ATXN7L1: variants seen among roughly 807,000 people sequenced by gnomAD.
ATXN7L1 encodes ataxin 7 like 1, also known as ataxin-7-like protein 1.
Under a neutral mutation model 70.8 loss-of-function variants are expected in ATXN7L1, and 15 were observed. The observed-to-expected ratio is 0.21, with a 90% confidence interval of 0.14 to 0.33. The LOEUF (loss-of-function observed/expected upper bound fraction) is 0.33. Among genes scored for constraint, ATXN7L1 ranks in the 10% least tolerant of loss-of-function variants. The pLI is 1.00. For synonymous variants in ATXN7L1, 440 were observed against 445.1 expected (o/e 0.99, Z 0.14); for missense variants, 975 against 1,097.1 (o/e 0.89, Z 1.57).
At chr7:105,707,269 G>A (rs1186022645) in intron 3 of ATXN7L1, among the ~76,000 whole-genome samples, 1 of 152,216 alleles carries the variant, frequency 6.6e-6, no homozygotes, top group African/African-American at 2.4e-5. Flanking sequence ...CAGCACACAT[G>A]AAGCAATGAG....
chr7:105,623,945 T>C (rs556823579), intron 8 of ATXN7L1, 130 bp downstream of exon 8: 4 of 806,770 alleles, frequency 5.0e-6, no homozygotes, highest in South Asian at 5.8e-5. Context: ...TTCAAACTCA[T>C]GGTAAGCCTT....
intron 2 of ATXN7L1, among the ~76,000 whole-genome samples, chr7:105,835,048 T>C (rs1007415931): frequency 6.6e-6 from 1 of 150,546 alleles, no homozygotes; most frequent in Non-Finnish European, 1.5e-5. Flanking sequence ...TCAAGCTGCA[T>C]GAATGCTGGG....
In ATXN7L1 at chr7:105,614,627, C is replaced by A. The variant is rs1562890578; in HGVS notation, c.1707G>T (p.Val569=). The A allele has an allele frequency of 6.4e-7, 1 of 1,551,762 alleles. No individual in the cohort carries two copies. The highest frequency in any genetic ancestry group is 8.7e-7 in the Non-Finnish European group (1 of 1,147,006). Residue 569 remains valine (V), a synonymous_variant, in exon 10 of 12, where the codon GTG becomes GTT. Coordinates refer to ENST00000419735, the MANE Select transcript of ATXN7L1 (RefSeq NM_020725.2). The surrounding 1 kb of genome is among the most constrained non-coding windows in gnomAD (Gnocchi z 4.3). ...TGAGGGCGCTCGGGTCCGGCGATGT[C>A]ACGAAAGCTGCGTTTGAGAGCATGG... The part of the protein sequence containing the change: ...TSAMLSNAAF[V]TSPDPSALMS...
chr7:105,818,659 CA>C (rs1488805168), intron 2 of ATXN7L1, among the ~76,000 whole-genome samples: 1 of 152,142 alleles, frequency 6.6e-6, no homozygotes, highest in African/African-American at 2.4e-5. Context: ...AGGAAGTCCC[CA>C]AAAGTTTGGG....
intron 4 of ATXN7L1, among the ~76,000 whole-genome samples, chr7:105,664,612 C>A (rs2116064712): frequency 7.3e-6 from 1 of 136,094 alleles, no homozygotes; most frequent in African/African-American, 2.7e-5. Context: ...TCACTGTCAC[C>A]CAGGCTGGAG....
At chr7:105,784,646 T>C (rs1804023974) in intron 3 of ATXN7L1, among the ~76,000 whole-genome samples, 1 of 151,932 alleles carries the variant, frequency 6.6e-6, no homozygotes, top group Non-Finnish European at 1.5e-5. Context: ...AAAGACGCCA[T>C]GGAGAGAAGG....
intron 3 of ATXN7L1, among the ~76,000 whole-genome samples, chr7:105,681,175 C>G (rs970568006): frequency 3.3e-5 from 5 of 152,176 alleles, no homozygotes; most frequent in African/African-American, 1.2e-4. Flanking sequence ...GCCTGTAATC[C>G]CAGCACTTTG....
chr7:105,763,946 C>T (rs901947728), intron 3 of ATXN7L1, among the ~76,000 whole-genome samples: 23 of 152,028 alleles, frequency 1.5e-4, no homozygotes, highest in African/African-American at 4.3e-4. Flanking sequence ...CTCCGCCTCT[C>T]GGGTTCAAGT....
chr7:105,765,825 C>T (rs1367115415), intron 3 of ATXN7L1, among the ~76,000 whole-genome samples: 3 of 152,132 alleles, frequency 2.0e-5, no homozygotes, highest in Admixed American at 2.0e-4. Flanking sequence ...TGCTTGGAGA[C>T]GATGCTCCAC....
Position 105,665,218 on chromosome 7 carries a change from T to C in ATXN7L1, c.426A>G (p.Ser142=), listed in dbSNP as rs1448198115. The C allele has an allele frequency of 3.9e-6, 6 of 1,551,530 alleles. No individual in the cohort carries two copies. The East Asian group carries it at 1.5e-4, about 38-fold the overall frequency. Reference sequence around the variant, plus strand: ...AGGCTTTTGTTTTCACCTGTACTAGTGATGTCCTGGGATTGGAGGCTGGAG... The same window carrying C: ...AGGCTTTTGTTTTCACCTGTACTAGCGATGTCCTGGGATTGGAGGCTGGAG... ...PVSPASNPRT[S]LVQVKTKACL... is the part of the protein sequence containing the mutation. Residue 142 remains serine (S), a synonymous_variant, in exon 4 of 12, where the codon TCA becomes TCG. Transcript: ENST00000419735.
chr7:105,614,638 C>A lies in ATXN7L1; in HGVS notation c.1696G>T (p.Ala566Ser). The A allele has an allele frequency of 1.9e-6, 3 of 1,551,610 alleles. No homozygotes were observed. Among genetic ancestry groups the A allele is most frequent in the Non-Finnish European group, 2.6e-6 (3 of 1,147,002 alleles). Residue 566 changes from alanine (A) to serine (S), a missense_variant, in exon 10 of 12, where the codon GCA (alanine) becomes TCA (serine). This residue lies in a region of ATXN7L1 where 635 missense variants were observed against 699.4 expected (regional missense o/e 0.91). Coordinates refer to ENST00000419735, the MANE Select transcript of ATXN7L1 (RefSeq NM_020725.2). The surrounding 1 kb of genome is among the most constrained non-coding windows in gnomAD (Gnocchi z 4.3). ...YIMTSAMLSNAAFVTSPDPSA... is the reference protein window; with the variant it reads ...YIMTSAMLSNSAFVTSPDPSA... ...GGGTCCGGCGATGTCACGAAAGCTG[C>A]GTTTGAGAGCATGGCTGATGTCATT... is the stretch of plus-strand genomic sequence containing the variant.
chr7:105,779,314 CAGTA>C (rs1803205004), intron 3 of ATXN7L1, among the ~76,000 whole-genome samples: 1 of 152,198 alleles, frequency 6.6e-6, no homozygotes, highest in Admixed American at 6.5e-5. Context: ...AGTAAGTGCT[CAGTA>C]AGTGTTTTAG....
intron 2 of ATXN7L1, among the ~76,000 whole-genome samples, chr7:105,808,916 C>G (rs113178196): frequency 6.6e-6 from 1 of 152,248 alleles, no homozygotes; most frequent in African/African-American, 2.4e-5. Flanking sequence ...ATCAAAAACA[C>G]CAATGTCTGG....
chr7:105,626,623 G>A (rs902670369), intron 7 of ATXN7L1, among the ~76,000 whole-genome samples: 1 of 152,138 alleles, frequency 6.6e-6, no homozygotes, highest in African/African-American at 2.4e-5. Context: ...CATTCTGCGT[G>A]TCTACAGGCC....
intron 2 of ATXN7L1, among the ~76,000 whole-genome samples, chr7:105,792,921 G>A (rs1805462461): frequency 6.6e-6 from 1 of 152,182 alleles, no homozygotes; most frequent in Admixed American, 6.5e-5. Flanking sequence ...GATTTGTGAT[G>A]TGATAACGTT....
intron 3 of ATXN7L1, among the ~76,000 whole-genome samples, chr7:105,667,698 C>CA (rs397890100): frequency 0.031 from 1,432 of 46,220 alleles, 42 homozygotes; most frequent in African/African-American, 0.054. Context: ...GACTCCGTCT[C>CA]AAAAAAAAAA....
chr7:105,870,644 A>T (rs1818121410), intron 2 of ATXN7L1, among the ~76,000 whole-genome samples: 1 of 152,204 alleles, frequency 6.6e-6, no homozygotes, highest in South Asian at 2.1e-4. Flanking sequence ...TTAAAAAAAA[A>T]TTCAGGTGAG....
At chr7:105,655,848 C>T (rs995420946) in intron 4 of ATXN7L1, among the ~76,000 whole-genome samples, 1 of 152,106 alleles carries the variant, frequency 6.6e-6, no homozygotes, top group African/African-American at 2.4e-5. Context: ...GCCCCGCCTA[C>T]CTGGGGAGAG....
At chr7:105,697,887 C>T (rs1260578761) in intron 3 of ATXN7L1, among the ~76,000 whole-genome samples, 1 of 152,238 alleles carries the variant, frequency 6.6e-6, no homozygotes, top group African/African-American at 2.4e-5. Context: ...GCCCTGTGCC[C>T]ATGCCCTGGA....
Sources: allele counts gnomAD v4.1 joint callset (sites outside exome capture counted in the v4.1 genomes callset), GRCh38; gene constraint gnomAD v4.1.1; regional missense constraint gnomAD v4.1.1; non-coding constraint Gnocchi (gnomAD v3.1); transcripts MANE v1.5; gene names NCBI Gene and HGNC (gene_info 2026-07-23, HGNC 2026-07-21).